The following MS4A1 variants were observed in gnomAD, a reference collection of about 807,000 sequenced individuals.
MS4A1 encodes the protein B-lymphocyte antigen CD20.
MS4A1 carries 16 observed loss-of-function variants against 26.5 expected under a neutral mutation model. That is an observed-to-expected ratio of 0.60 (90% CI 0.41 to 0.92). MS4A1 has a LOEUF of 0.92. MS4A1 is among the 40% of genes least tolerant of loss of function. The probability of loss-of-function intolerance (pLI) is 0.00; values close to 1 mark genes in which losing one functional copy is unlikely to be tolerated. For synonymous variants in MS4A1, 128 were observed against 117.6 expected (o/e 1.09, Z -0.57); for missense variants, 350 against 353.0 (o/e 0.99, Z 0.07).
At chr11:60,465,416 T>A (rs187107821) in intron 5 of MS4A1, among the ~76,000 whole-genome samples, 1 of 152,358 alleles carries the variant, frequency 6.6e-6, no homozygotes, top group East Asian at 1.9e-4. Flanking sequence ...CTGCTTTTTT[T>A]ATTTCCATTT....
In MS4A1 at chr11:60,469,861, T is replaced by A. The variant is rs199618969; in HGVS notation, c.*1393T>A. The A allele has an allele frequency of 1.3e-5, 2 of 152,082 alleles. No homozygotes were observed. The highest frequency in any genetic ancestry group is 2.4e-5 in the African/African-American group (1 of 41,432). The allele number at this position is 152,082 out of a possible 1,614,324, so 9.4% of individuals were successfully genotyped here. A position where few individuals can be genotyped will look rare whatever the true frequency, so the allele number is the denominator to read the frequency against. ...GTCTATTATTTGGGCATTTGCTACATGATGAGTGCTGCCAGATTGTGGCAG... is the reference window on the plus strand; with the variant it reads ...GTCTATTATTTGGGCATTTGCTACAAGATGAGTGCTGCCAGATTGTGGCAG... On this transcript the variant is annotated 3_prime_UTR_variant, in exon 8 of 8. Coordinates refer to ENST00000345732, the MANE Select transcript of MS4A1 (RefSeq NM_152866.3).
In MS4A1 at chr11:60,467,066, T is replaced by C. The variant is rs757768943; in HGVS notation, c.675+6T>C. On this transcript the variant is annotated splice_donor_region_variant and intron_variant, in intron 7 of 7. Transcript: ENST00000345732. Reference sequence around the variant, plus strand: ...CGTGCTCCAGACCCAAATCTGTAAGTAGTAGCCCCTCTGGCCAAAACCTCC... The same window carrying C: ...CGTGCTCCAGACCCAAATCTGTAAGCAGTAGCCCCTCTGGCCAAAACCTCC... The C allele has an allele frequency of 2.4e-5, 38 of 1,611,804 alleles. No homozygotes were observed. Among genetic ancestry groups the C allele is most frequent in the Non-Finnish European group, 3.2e-5 (38 of 1,178,092 alleles).
intron 1 of MS4A1, among the ~76,000 whole-genome samples, chr11:60,458,840 A>G (rs1313705482): frequency 8.7e-6 from 1 of 114,548 alleles, no homozygotes; most frequent in Non-Finnish European, 1.8e-5. Flanking sequence ...TATATGAAAG[A>G]TAGTTTCCAT....
chr11:60,467,048 C>T lies in MS4A1; in HGVS notation c.663C>T (p.Ser221=), dbSNP rs751215669. 2 of 1,614,016 alleles carry T rather than the reference C, an allele frequency of 1.2e-6. No individual in the cohort carries two copies. Among genetic ancestry groups the T allele is most frequent in the East Asian group, 2.2e-5 (1 of 44,862 alleles). The change falls in exon 7 of 8, where the codon TCC becomes TCT. Residue 221 remains serine (S), a synonymous_variant. Transcript: ENST00000345732. ...IVENEWKRTC[S]RPKSNIVLLS... ...AGAATGAATGGAAAAGAACGTGCTC[C>T]AGACCCAAATCTGTAAGTAGTAGCC...
At chr11:60,459,593 C>T (rs1565193225) in intron 1 of MS4A1, among the ~76,000 whole-genome samples, 1 of 152,156 alleles carries the variant, frequency 6.6e-6, no homozygotes, top group Non-Finnish European at 1.5e-5. Flanking sequence ...AGAAATCCTA[C>T]CTAGTGACCA....
Position 60,466,068 on chromosome 11 carries a change from A to G in MS4A1, c.484A>G (p.Ile162Val), listed in dbSNP as rs557319997. 1.5e-5 allele frequency: 25 copies of G among 1,614,056 alleles called. No individual in the cohort carries two copies. Among genetic ancestry groups the G allele is most frequent in the Non-Finnish European group, 1.5e-5 (18 of 1,179,936 alleles). ...LNFIRAHTPY[I>V]NIYNCEPANP... ...TTTTATTAGAGCTCACACACCATAT[A>G]TTAACATATACAACTGTGAACCAGC... The change falls in exon 6 of 8, where the codon ATT becomes GTT. Residue 162 changes from isoleucine (I) to valine (V), a missense_variant. Coordinates refer to ENST00000345732, the MANE Select transcript of MS4A1 (RefSeq NM_152866.3).
intron 4 of MS4A1, 143 bp downstream of exon 4, chr11:60,463,264 G>C: frequency 1.6e-6 from 2 of 1,230,308 alleles, no homozygotes; most frequent in Non-Finnish European, 2.3e-6. Flanking sequence ...TAAGAAGACA[G>C]GTTGACCAAA....
intron 5 of MS4A1, among the ~76,000 whole-genome samples, chr11:60,465,067 C>A (rs1207314116): frequency 6.6e-6 from 1 of 152,146 alleles, no homozygotes; most frequent in African/African-American, 2.4e-5. Flanking sequence ...CTTAAAGTGG[C>A]CTGACACACT....
intron 1 of MS4A1, among the ~76,000 whole-genome samples, chr11:60,457,698 C>T (rs1429042636): frequency 1.3e-5 from 2 of 152,092 alleles, no homozygotes; most frequent in Non-Finnish European, 1.5e-5. Context: ...ATCTGAGACA[C>T]GAGGCCTGAG....
chr11:60,468,201 G>A, intron 7 of MS4A1, 49 bp from the exon 8 acceptor site: 7 of 1,352,762 alleles, frequency 5.2e-6, no homozygotes, highest in Non-Finnish European at 7.3e-6. Flanking sequence ...TGTTGACAAA[G>A]GTGTCAGTGG....
Position 60,469,738 on chromosome 11 carries a change from C to T in MS4A1, c.*1270C>T, listed in dbSNP as rs748126267. 4 of 152,134 alleles carry T rather than the reference C, an allele frequency of 2.6e-5. No individual in the cohort carries two copies. The highest frequency in any genetic ancestry group is 3.9e-4 in the East Asian group (2 of 5,188). 9.4% of individuals were successfully genotyped at this position (152,134 alleles called of 1,614,324 possible). A position where few individuals can be genotyped will look rare whatever the true frequency, so the allele number is the denominator to read the frequency against. On this transcript the variant is annotated 3_prime_UTR_variant, in exon 8 of 8. Transcript: ENST00000345732. ...CTTGGAAACAATGTAATTAAAATGC[C>T]GAATCTGAGTCAACAGCTGCCCTAC... is the stretch of plus-strand genomic sequence containing the variant.
chr11:60,456,204 A>G (rs1298225006), intron 1 of MS4A1, among the ~76,000 whole-genome samples: 1 of 152,168 alleles, frequency 6.6e-6, no homozygotes, highest in Non-Finnish European at 1.5e-5. Flanking sequence ...TGCAGCATAT[A>G]TATTAAATCA....
At chr11:60,459,647 GT>G (rs968632985) in intron 1 of MS4A1, among the ~76,000 whole-genome samples, 2 of 152,178 alleles carry the variant, frequency 1.3e-5, no homozygotes, top group African/African-American at 2.4e-5. Flanking sequence ...TAAAATATCT[GT>G]TTTTGTTAGA....
At position 60,468,427 on chromosome 11, in the gene MS4A1, G is replaced by A. The variant is rs147927720; in HGVS notation, c.853G>A (p.Asp285Asn). ...GACGAACTTTCCAGAACCTCCCCAA[G>A]ATCAGGAATCCTCACCAATAGAAAA... is the stretch of plus-strand genomic sequence containing the variant. ...TETNFPEPPQ[D>N]QESSPIENDS... Residue 285 changes from aspartate to asparagine, a missense_variant, in exon 8 of 8, where the codon GAT (aspartate) becomes AAT (asparagine). Coordinates refer to ENST00000345732, the MANE Select transcript of MS4A1 (RefSeq NM_152866.3). 3.5e-5 allele frequency: 56 copies of A among 1,614,134 alleles called. No individual in the cohort carries two copies. In the African/African-American group the frequency reaches 7.2e-4, roughly 21 times the overall value.
At chr11:60,464,208 T>C in intron 4 of MS4A1, 80 bp from the exon 5 acceptor site, 1 of 1,046,742 alleles carries the variant, frequency 9.6e-7, no homozygotes, top group Non-Finnish European at 1.5e-6. Flanking sequence ...GTTATCAATG[T>C]TAAAAAGTGA....
At chr11:60,464,640 C>A (rs2086275886) in intron 5 of MS4A1, among the ~76,000 whole-genome samples, 1 of 152,178 alleles carries the variant, frequency 6.6e-6, no homozygotes, top group Non-Finnish European at 1.5e-5. Context: ...TCATTTCTCC[C>A]AGATCACCAT....
At chr11:60,464,208 T>A in intron 4 of MS4A1, 80 bp from the exon 5 acceptor site, 1 of 1,046,742 alleles carries the variant, frequency 9.6e-7, no homozygotes. Flanking sequence ...GTTATCAATG[T>A]TAAAAAGTGA....
rs1280923313 is a variant in MS4A1 at position 60,461,546 on chromosome 11, G to C, written c.-191+386G>C. Among the ~76,000 whole-genome samples, 3 of 151,542 alleles carry C rather than the reference G, an allele frequency of 2.0e-5. 1 individual carries two copies. The highest frequency in any genetic ancestry group is 4.4e-5 in the Non-Finnish European group (3 of 68,020). ...GCCTTTTCTTTTTCTTTGAGACCGA[G>C]TCTCACTCTGTTACCCAGGCTGGAA... On this transcript the variant is annotated intron_variant, in intron 2 of 7. Coordinates refer to ENST00000345732, the MANE Select transcript of MS4A1 (RefSeq NM_152866.3).
chr11:60,458,152 G>T (rs536608453), intron 1 of MS4A1: 1 of 152,224 alleles, frequency 6.6e-6, no homozygotes, highest in African/African-American at 2.4e-5. Context: ...TAATTTCTTG[G>T]AAGGGCTAAC....
Sources: gnomAD v4.1 joint callset for allele counts (sites outside exome capture counted in the v4.1 genomes callset) on GRCh38, gnomAD v4.1.1 for gene constraint, MANE v1.5 for transcripts, NCBI Gene and HGNC (gene_info 2026-07-23, HGNC 2026-07-21) for gene names.